The following STARD13 variants were observed in gnomAD, a reference collection of about 807,000 sequenced individuals.
STARD13 encodes StAR related lipid transfer domain containing 13, also known as stAR-related lipid transfer protein 13.
Under a neutral mutation model 106.4 loss-of-function variants are expected in STARD13, and 62 were observed. The ratio of observed to expected loss-of-function variants is 0.58; its 90% confidence interval spans 0.48 to 0.72. The LOEUF (loss-of-function observed/expected upper bound fraction) is 0.72. Among genes scored for constraint, STARD13 ranks in the 30% least tolerant of loss-of-function variants. The probability of loss-of-function intolerance (pLI) is 0.00; values close to 1 mark genes in which losing one functional copy is unlikely to be tolerated. For synonymous variants in STARD13, 565 were observed against 553.0 expected (o/e 1.02, Z -0.31); for missense variants, 1,387 against 1,424.0 (o/e 0.97, Z 0.42).
At chr13:33,253,377 T>C (rs990904450) in intron 1 of STARD13, among the ~76,000 whole-genome samples, 1 of 152,214 alleles carries the variant, frequency 6.6e-6, no homozygotes, top group African/African-American at 2.4e-5. Flanking sequence ...ATTAAGCCAA[T>C]GGACAGCGTA....
the STARD13 span, among the ~76,000 whole-genome samples, chr13:33,375,891 A>T: frequency 6.6e-6 from 1 of 152,094 alleles, no homozygotes; most frequent in Non-Finnish European, 1.5e-5. Flanking sequence ...AAGTAATATG[A>T]CTGGTTTTGA....
chr13:33,300,815 C>T (rs1391070225), intron 1 of STARD13, among the ~76,000 whole-genome samples: 2 of 152,172 alleles, frequency 1.3e-5, no homozygotes, highest in African/African-American at 4.8e-5. Flanking sequence ...CGGTTTTGCT[C>T]CTACTTCCTC....
chr13:33,494,409 CTTGCAT>C, the STARD13 span, among the ~76,000 whole-genome samples: 1 of 152,130 alleles, frequency 6.6e-6, no homozygotes, highest in Non-Finnish European at 1.5e-5. Flanking sequence ...AATGCAGTAC[CTTGCAT>C]TTAGCATGCT....
chr13:33,165,251 C>A, intron 3 of STARD13, 86 bp downstream of exon 3: 1 of 1,022,740 alleles, frequency 9.8e-7, no homozygotes, highest in South Asian at 1.3e-5. Flanking sequence ...GAATACTTGC[C>A]GAATAGCTGA....
At chr13:33,575,638 T>C in the STARD13 span, among the ~76,000 whole-genome samples, 6 of 152,124 alleles carry the variant, frequency 3.9e-5, no homozygotes, top group Non-Finnish European at 7.4e-5. Context: ...CTTAGGGGAA[T>C]AGATGAGTTT....
intron 1 of STARD13, among the ~76,000 whole-genome samples, chr13:33,252,229 T>C (rs1022181917): frequency 6.6e-6 from 1 of 152,194 alleles, no homozygotes; most frequent in African/African-American, 2.4e-5. Context: ...CTGCCTTTAA[T>C]CCCTCTCCGG....
chr13:33,417,084 A>G, the STARD13 span, among the ~76,000 whole-genome samples: 2 of 152,254 alleles, frequency 1.3e-5, no homozygotes, highest in Admixed American at 1.3e-4. Context: ...TATTTCTTCC[A>G]GGAAGATACA....
At chr13:33,163,044 G>A (rs112180219) in intron 3 of STARD13, among the ~76,000 whole-genome samples, 9 of 152,278 alleles carry the variant, frequency 5.9e-5, no homozygotes, top group African/African-American at 2.2e-4. Context: ...TCAGAATCAT[G>A]GCGGGAGGCA....
At chr13:33,524,560 T>C in the STARD13 span, among the ~76,000 whole-genome samples, 3 of 152,024 alleles carry the variant, frequency 2.0e-5, no homozygotes, top group Non-Finnish European at 4.4e-5. Flanking sequence ...TTTTGGTTAG[T>C]GAGATCAGCC....
the STARD13 span, among the ~76,000 whole-genome samples, chr13:33,660,680 C>A: frequency 6.6e-6 from 1 of 152,182 alleles, no homozygotes; most frequent in Non-Finnish European, 1.5e-5. Flanking sequence ...AACTCCTGGG[C>A]TCAAGTCATC....
intron 6 of STARD13, among the ~76,000 whole-genome samples, chr13:33,127,056 C>T (rs112666015): frequency 6.6e-6 from 1 of 152,242 alleles, no homozygotes; most frequent in African/African-American, 2.4e-5. Flanking sequence ...TCTGTGCAAA[C>T]TGCCAGGATT....
At chr13:33,652,618 C>T in the STARD13 span, among the ~76,000 whole-genome samples, 1 of 152,102 alleles carries the variant, frequency 6.6e-6, no homozygotes, top group Non-Finnish European at 1.5e-5. Context: ...TATAATGGAG[C>T]ACAAAAATAT....
chr13:33,433,298 C>T, the STARD13 span, among the ~76,000 whole-genome samples: 17 of 152,296 alleles, frequency 1.1e-4, no homozygotes, highest in African/African-American at 3.1e-4. Flanking sequence ...AGAACTGCTC[C>T]TATCTCCCAG....
At chr13:33,365,034 GGA>G in the STARD13 span, among the ~76,000 whole-genome samples, 3 of 152,216 alleles carry the variant, frequency 2.0e-5, no homozygotes, top group African/African-American at 4.8e-5. Context: ...AATTTACTCT[GGA>G]GAGAGGTGAC....
At chr13:33,590,380 TC>T in the STARD13 span, among the ~76,000 whole-genome samples, 6 of 151,928 alleles carry the variant, frequency 3.9e-5, no homozygotes, top group African/African-American at 1.5e-4. Flanking sequence ...AATCATGCTC[TC>T]CTAAAGACAC....
the STARD13 span, among the ~76,000 whole-genome samples, chr13:33,434,352 C>CAAAAAAAAAAAA: frequency 6.4e-4 from 45 of 70,204 alleles, no homozygotes; most frequent in Non-Finnish European, 8.7e-4. Context: ...GACTCTGTCT[C>CAAAAAAAAAAAA]AAAAAAAAAA....
the STARD13 span, among the ~76,000 whole-genome samples, chr13:33,569,152 G>A: frequency 6.8e-6 from 1 of 147,818 alleles, no homozygotes; most frequent in African/African-American, 2.5e-5. Context: ...CCTGTTAAAT[G>A]GCTAGTTTAG....
At chr13:33,577,421 T>A in the STARD13 span, among the ~76,000 whole-genome samples, 865 of 152,294 alleles carry the variant, frequency 5.7e-3, 10 homozygotes, top group African/African-American at 0.02. Flanking sequence ...AGGGAAAGGA[T>A]CTGCCTTTTC....
chr13:33,243,939 C>T (rs1351381721), intron 1 of STARD13, among the ~76,000 whole-genome samples: 3 of 151,268 alleles, frequency 2.0e-5, no homozygotes, highest in Non-Finnish European at 4.4e-5. Flanking sequence ...AACTTGGGCA[C>T]TTATTTGGAT....
Sources: gnomAD v4.1 joint callset for allele counts (sites outside exome capture counted in the v4.1 genomes callset) on GRCh38, gnomAD v4.1.1 for gene constraint, MANE v1.5 for transcripts, NCBI Gene and HGNC (gene_info 2026-07-23, HGNC 2026-07-21) for gene names.